CTNND2: variants seen among roughly 807,000 people sequenced by gnomAD.
CTNND2 encodes the protein catenin delta-2.
A neutral mutation model predicts 144.4 loss-of-function variants in CTNND2; 22 were observed. The observed-to-expected ratio is 0.15, with a 90% CI of 0.11 to 0.22. CTNND2 has a LOEUF of 0.22. CTNND2 is among the 10% of genes least tolerant of loss of function. The pLI, the probability that CTNND2 is intolerant of heterozygous loss-of-function variation, is 1.00. For missense variants in CTNND2, 1,353 were observed against 1,618.8 expected, an observed-to-expected ratio of 0.84 and a Z score of 2.82; for synonymous variants, 751 against 695.6, an observed-to-expected ratio of 1.08 and a Z score of -1.25.
At chr5:11,475,561 C>T (rs544276625) in intron 3 of CTNND2, among the ~76,000 whole-genome samples, 1 of 152,278 alleles carries the variant, frequency 6.6e-6, no homozygotes, top group African/African-American at 2.4e-5. Flanking sequence ...AATATCCAAA[C>T]TTGGATGTGC....
intron 1 of CTNND2, among the ~76,000 whole-genome samples, chr5:11,778,311 G>A (rs1790362285): frequency 6.6e-6 from 1 of 152,040 alleles, no homozygotes; most frequent in South Asian, 2.1e-4. Flanking sequence ...GAGCTGGGCG[G>A]GGCAGGGGGG....
At chr5:11,134,474 A>G (rs1331604997) in intron 12 of CTNND2, among the ~76,000 whole-genome samples, 3 of 152,218 alleles carry the variant, frequency 2.0e-5, no homozygotes, top group Non-Finnish European at 4.4e-5. Flanking sequence ...GTTCTCAGCC[A>G]TTACGTTTGT....
Position 11,660,295 on chromosome 5 carries a change from T to A in CTNND2, c.174+71841A>T, listed in dbSNP as rs144316620. Among the ~76,000 whole-genome samples the A allele has an allele frequency of 1.2e-3, 184 of 152,224 alleles. 1 individual carries two copies. The highest frequency in any genetic ancestry group is 4.2e-3 in the African/African-American group (174 of 41,546). ...TACTTCATGAAGGTCTGCTATTTGA[T>A]GAGTATGGTACGAGAAAAGTATAAG... On this transcript the variant is annotated intron_variant, in intron 2 of 21. Transcript: ENST00000304623.
chr5:11,042,562 T>A (rs1744787923), intron 16 of CTNND2, among the ~76,000 whole-genome samples: 1 of 152,242 alleles, frequency 6.6e-6, no homozygotes, highest in South Asian at 2.1e-4. Context: ...ACGAAACTCA[T>A]GTAATTTTGT....
At chr5:11,716,292 T>C (rs1169530773) in intron 2 of CTNND2, among the ~76,000 whole-genome samples, 1 of 151,406 alleles carries the variant, frequency 6.6e-6, no homozygotes, top group Non-Finnish European at 1.5e-5. Context: ...GTTATACACT[T>C]AATTAAATAG....
intron 16 of CTNND2, among the ~76,000 whole-genome samples, chr5:11,049,484 T>C (rs1053194257): frequency 2.0e-5 from 3 of 152,072 alleles, no homozygotes; most frequent in African/African-American, 7.3e-5. Context: ...TGAATGAAAA[T>C]GTAAGGCTTG....
At position 11,902,024 on chromosome 5, in the gene CTNND2, A is replaced by G. The variant is rs61761564; in HGVS notation, c.37+1793T>C. On this transcript the variant is annotated intron_variant, in intron 1 of 21. Coordinates refer to ENST00000304623, the MANE Select transcript of CTNND2 (RefSeq NM_001332.4). ...GTGAATAAGGTGAAACTAAAGCAAT[A>G]TTGCTAAAGACTAATCACAGTATTC... 6.7e-3 allele frequency among the ~76,000 whole-genome samples: 1,028 copies of G among 152,336 alleles called. 12 individuals are homozygous for G. The highest frequency in any genetic ancestry group is 0.024 in the African/African-American group (983 of 41,562).
Position 11,358,243 on chromosome 5 carries a change from T to C in CTNND2, c.1372+6453A>G, listed in dbSNP as rs543153016. On this transcript the variant is annotated intron_variant, in intron 8 of 21. Transcript: ENST00000304623. ...TCTATTTGTACAAAAGTATGACAGT[T>C]ATGATATTTTTGAATTTTACCAATA... is the stretch of plus-strand genomic sequence containing the variant. 2.6e-5 allele frequency among the ~76,000 whole-genome samples: 4 copies of C among 152,302 alleles called. No homozygotes were observed. The East Asian group carries it at 7.7e-4, about 29-fold the overall frequency.
chr5:11,869,798 G>A (rs925005174), intron 1 of CTNND2, among the ~76,000 whole-genome samples: 9 of 152,150 alleles, frequency 5.9e-5, no homozygotes, highest in African/African-American at 2.2e-4. Flanking sequence ...ACACTAGAAG[G>A]TGAGGAGACA....
At chr5:11,746,462 G>T (rs1788322481) in intron 1 of CTNND2, among the ~76,000 whole-genome samples, 1 of 151,936 alleles carries the variant, frequency 6.6e-6, no homozygotes, top group African/African-American at 2.4e-5. Flanking sequence ...GAACTGTGAT[G>T]ATCTTATCTC....
intron 1 of CTNND2, among the ~76,000 whole-genome samples, chr5:11,765,531 C>G (rs1435479387): frequency 1.3e-5 from 2 of 152,200 alleles, no homozygotes; most frequent in African/African-American, 2.4e-5. Context: ...CTTAGATTAT[C>G]TAAAAACTGA....
intron 21 of CTNND2, among the ~76,000 whole-genome samples, chr5:10,979,286 G>A (rs1736917945): frequency 6.6e-6 from 1 of 152,180 alleles, no homozygotes; most frequent in Non-Finnish European, 1.5e-5. Flanking sequence ...TGCCTTTATG[G>A]AGGCAGGTTG....
chr5:11,097,715 A>G (rs1751491184), intron 15 of CTNND2, among the ~76,000 whole-genome samples: 1 of 152,168 alleles, frequency 6.6e-6, no homozygotes. Flanking sequence ...GTCCGTGTGT[A>G]TATGTTAACA....
At chr5:11,513,002 C>T (rs1406765784) in intron 3 of CTNND2, among the ~76,000 whole-genome samples, 1 of 152,156 alleles carries the variant, frequency 6.6e-6, no homozygotes, top group African/African-American at 2.4e-5. Context: ...TACTCCTTTC[C>T]ATATCTTCAT....
At chr5:11,571,884 A>G (rs572825682) in intron 2 of CTNND2, among the ~76,000 whole-genome samples, 1 of 152,042 alleles carries the variant, frequency 6.6e-6, no homozygotes, top group East Asian at 1.9e-4. Context: ...ATAGTGTGTG[A>G]CTCTTTATTG....
intron 2 of CTNND2, among the ~76,000 whole-genome samples, chr5:11,576,725 A>G (rs1561578602): frequency 6.6e-6 from 1 of 152,082 alleles, no homozygotes; most frequent in Non-Finnish European, 1.5e-5. Context: ...TTTTCTCATC[A>G]TTTACCTCCT....
chr5:11,554,315 G>C (rs952875089), intron 3 of CTNND2, among the ~76,000 whole-genome samples: 2 of 152,116 alleles, frequency 1.3e-5, no homozygotes, highest in Non-Finnish European at 2.9e-5. Flanking sequence ...ATCAGTTCAA[G>C]AATGTTCGCA....
chr5:11,549,099 A>G (rs1775523328), intron 3 of CTNND2, among the ~76,000 whole-genome samples: 1 of 152,190 alleles, frequency 6.6e-6, no homozygotes, highest in African/African-American at 2.4e-5. Flanking sequence ...TTGGCCTGTC[A>G]TGCTTAGGAG....
At chr5:11,871,073 G>A (rs1050765731) in intron 1 of CTNND2, among the ~76,000 whole-genome samples, 3 of 152,162 alleles carry the variant, frequency 2.0e-5, no homozygotes, top group African/African-American at 7.2e-5. Flanking sequence ...GCAAGAAGAG[G>A]CCAGAGAGTT....
Sources: gnomAD v4.1 joint callset for allele counts (sites outside exome capture counted in the v4.1 genomes callset) on GRCh38, gnomAD v4.1.1 for gene constraint, MANE v1.5 for transcripts, NCBI Gene and HGNC (gene_info 2026-07-23, HGNC 2026-07-21) for gene names.